GTF2E1: variants seen among roughly 807,000 people sequenced by gnomAD.
GTF2E1 encodes the protein TFIIE alpha subunit.
GTF2E1 carries 14 observed loss-of-function variants against 34.9 expected under a neutral mutation model. That is an observed-to-expected ratio of 0.40 (90% CI 0.27 to 0.63). The LOEUF is 0.63. Among genes scored for constraint, GTF2E1 ranks in the 20% least tolerant of loss-of-function variants. The pLI is 0.39. For synonymous variants in GTF2E1, 188 were observed against 192.9 expected (o/e 0.97, Z 0.21); for missense variants, 469 against 557.7 (o/e 0.84, Z 1.60).
intron 2 of GTF2E1, 71 bp from the exon 3 acceptor site, chr3:120,770,656 TG>T: frequency 2.0e-6 from 2 of 1,023,024 alleles, no homozygotes; most frequent in South Asian, 2.6e-5. Context: ...AATAAGATAT[TG>T]GGGGAGGGTG....
chr3:120,743,633 T>C (rs1344709255), intron 1 of GTF2E1, among the ~76,000 whole-genome samples: 3 of 152,108 alleles, frequency 2.0e-5, no homozygotes, highest in Admixed American at 1.3e-4. Context: ...TGTATGCTAC[T>C]TAATGGGGAG....
chr3:120,772,296 A>G (rs2107612123), intron 3 of GTF2E1, among the ~76,000 whole-genome samples: 1 of 152,150 alleles, frequency 6.6e-6, no homozygotes, highest in East Asian at 1.9e-4. Flanking sequence ...ATGAGATCAC[A>G]TGACTGGTAC....
chr3:120,774,786 C>T (rs146379609), intron 3 of GTF2E1, among the ~76,000 whole-genome samples: 7 of 152,060 alleles, frequency 4.6e-5, no homozygotes, highest in East Asian at 1.9e-4. Flanking sequence ...GAACAGGCAC[C>T]GGGAAGAAAA....
chr3:120,758,495 A>G (rs979005477), intron 2 of GTF2E1, among the ~76,000 whole-genome samples: 4 of 152,148 alleles, frequency 2.6e-5, no homozygotes, highest in Admixed American at 2.6e-4. Flanking sequence ...ATAGGTATAC[A>G]TGTGCCATGT....
chr3:120,767,992 A>G (rs1310974585), intron 2 of GTF2E1, among the ~76,000 whole-genome samples: 2 of 152,174 alleles, frequency 1.3e-5, no homozygotes, highest in Non-Finnish European at 2.9e-5. Context: ...GATGAGCTAC[A>G]CTGACAAGCA....
At chr3:120,767,785 C>A (rs1168296526) in intron 2 of GTF2E1, among the ~76,000 whole-genome samples, 1 of 152,080 alleles carries the variant, frequency 6.6e-6, no homozygotes. Flanking sequence ...GTAAGTAACT[C>A]CTGTTAAGTT....
rs147969735 is a variant in GTF2E1 at position 120,759,842 on chromosome 3, C to G, written c.448+8842C>G. ...TAACGTGCTGTTTTGGTTACTGTAG[C>G]CTTGTAGTATAGTTTGAAGTCAGGT... On this transcript the variant is annotated intron_variant, in intron 2 of 4. Coordinates refer to ENST00000283875, the MANE Select transcript of GTF2E1 (RefSeq NM_005513.3). 7.7e-3 allele frequency among the ~76,000 whole-genome samples: 1,166 copies of G among 152,212 alleles called. 15 individuals are homozygous for G. Among genetic ancestry groups the G allele is most frequent in the African/African-American group, 0.027 (1,106 of 41,524 alleles).
rs758984299 is a variant in GTF2E1, at chr3:120,750,506, T to G, written c.-30-17T>G. The stretch of plus-strand genomic sequence containing the variant: ...GTTCTTATACCTGGCTAATTTTCTG[T>G]TTTTTTTTGAATTCAGTATATTTAA... On this transcript the variant is annotated splice_polypyrimidine_tract_variant and intron_variant, in intron 1 of 4. Coordinates refer to ENST00000283875, the MANE Select transcript of GTF2E1 (RefSeq NM_005513.3). The G allele has an allele frequency of 9.4e-6, 13 of 1,388,858 alleles. No homozygotes were observed. The highest frequency in any genetic ancestry group is 3.7e-4 in the Middle Eastern group (2 of 5,424). The allele number at this position is 1,388,858 out of a possible 1,614,324, so 86.0% of individuals were successfully genotyped here.
Position 120,781,257 on chromosome 3 carries a change from G to A in GTF2E1, c.1107G>A (p.Pro369=), listed in dbSNP as rs749370787. The change falls in exon 5 of 5, where the codon CCG becomes CCA. Residue 369 remains proline (P), a synonymous_variant. Coordinates refer to ENST00000283875, the MANE Select transcript of GTF2E1 (RefSeq NM_005513.3). The part of the protein sequence containing the change: ...SESDDDSPPR[P]AAVAVHKREE... ...CAGATGATGATTCTCCACCCCGTCC[G>A]GCAGCTGTGGCTGTGCATAAACGAG... The A allele has an allele frequency of 6.8e-6, 11 of 1,614,124 alleles. No individual in the cohort carries two copies. The highest frequency in any genetic ancestry group is 1.7e-5 in the Admixed American group (1 of 60,018).
rs1374304007 is a variant in GTF2E1, at chr3:120,781,306, G to A, written c.1156G>A (p.Glu386Lys). 2.5e-6 allele frequency: 4 copies of A among 1,614,050 alleles called. No individual in the cohort carries two copies. The highest frequency in any genetic ancestry group is 3.4e-6 in the Non-Finnish European group (4 of 1,180,032). The change falls in exon 5 of 5, where the codon GAG (glutamate) becomes AAG (lysine). Residue 386 changes from glutamate to lysine, a missense_variant. By Grantham distance (56) the Glu-to-Lys change is moderately conservative. Coordinates refer to ENST00000283875, the MANE Select transcript of GTF2E1 (RefSeq NM_005513.3). Reference protein sequence around the residue: ...KREEDEEEDDEFEEVADDPIV... With the variant: ...KREEDEEEDDKFEEVADDPIV... ...AGAAGAGGATGAAGAGGAAGATGAC[G>A]AGTTTGAAGAAGTAGCAGATGACCC...
chr3:120,756,894 C>T (rs1559830957), intron 2 of GTF2E1, among the ~76,000 whole-genome samples: 3 of 152,070 alleles, frequency 2.0e-5, no homozygotes, highest in Non-Finnish European at 2.9e-5. Context: ...CCACTGCACT[C>T]CAGTCTGGGC....
intron 4 of GTF2E1, among the ~76,000 whole-genome samples, chr3:120,776,954 G>T (rs1225197789): frequency 6.6e-6 from 1 of 151,958 alleles, no homozygotes; most frequent in African/African-American, 2.4e-5. Context: ...TGTTTTCAAG[G>T]TAGCCATACT....
At position 120,776,513 on chromosome 3, in the gene GTF2E1, A is replaced by C; in HGVS notation, c.741A>C (p.Glu247Asp). The C allele has an allele frequency of 6.2e-7, 1 of 1,613,996 alleles. No homozygotes were observed. The highest frequency in any genetic ancestry group is 8.5e-7 in the Non-Finnish European group (1 of 1,179,916). ...EAWATKGPSY[E>D]DLYTQNVVIN... ...GGGCCACCAAAGGTCCTTCCTATGA[A>C]GACTTATACACTCAGAATGTTGTCA... The change falls in exon 4 of 5, where the codon GAA (glutamate) becomes GAC (aspartate). Residue 247 changes from glutamate (E) to aspartate (D), a missense_variant. Transcript: ENST00000283875.
chr3:120,753,922 T>C (rs1248616245), intron 2 of GTF2E1, among the ~76,000 whole-genome samples: 1 of 152,192 alleles, frequency 6.6e-6, no homozygotes, highest in East Asian at 1.9e-4. Context: ...AATCAGAAGC[T>C]TAATCATTAA....
chr3:120,767,331 G>A (rs1050945436), intron 2 of GTF2E1, among the ~76,000 whole-genome samples: 8 of 152,226 alleles, frequency 5.3e-5, no homozygotes, highest in Admixed American at 4.6e-4. Flanking sequence ...CAAAGAGCAG[G>A]TTTGCTTATG....
chr3:120,775,257 G>A (rs997514570), intron 3 of GTF2E1, among the ~76,000 whole-genome samples: 4 of 152,064 alleles, frequency 2.6e-5, no homozygotes, highest in Non-Finnish European at 4.4e-5. Flanking sequence ...AGAATGAGTC[G>A]GGGCTCCACA....
chr3:120,782,685 T>TG lies in GTF2E1; in HGVS notation c.*1216dup, dbSNP rs1435627199. The TG allele has an allele frequency of 6.6e-6, 1 of 152,180 alleles. No individual in the cohort carries two copies. Among genetic ancestry groups the TG allele is most frequent in the Non-Finnish European group, 1.5e-5 (1 of 68,026 alleles). 9.4% of individuals were successfully genotyped at this position (152,180 alleles called of 1,614,324 possible). A position where few individuals can be genotyped will look rare whatever the true frequency, so the allele number is the denominator to read the frequency against. ...TTCCAGCAGAAATCAACAGAATAAT[T>TG]GATTACTCTTCTCTCTCTCTGTCAC... On this transcript the variant is annotated 3_prime_UTR_variant, in exon 5 of 5. Transcript: ENST00000283875.
intron 1 of GTF2E1, among the ~76,000 whole-genome samples, chr3:120,744,744 C>T (rs1413636669): frequency 1.3e-5 from 2 of 152,090 alleles, no homozygotes; most frequent in Non-Finnish European, 2.9e-5. Flanking sequence ...CACACTGCCT[C>T]CACCTTCACT....
Position 120,781,625 on chromosome 3 carries a change from G to A in GTF2E1, c.*155G>A. ...TGATGGTAGAGAGTTTGACTTTTAT[G>A]CCAGAAACTTTCCCAGCAAGGTAGG... On this transcript the variant is annotated 3_prime_UTR_variant, in exon 5 of 5. Transcript: ENST00000283875. 1.6e-6 allele frequency: 1 copy of A among 628,672 alleles called. No individual in the cohort carries two copies. The highest frequency in any genetic ancestry group is 2.8e-6 in the Non-Finnish European group (1 of 360,644). 38.9% of individuals were successfully genotyped at this position (628,672 alleles called of 1,614,324 possible).
Sources: allele counts gnomAD v4.1 joint callset (sites outside exome capture counted in the v4.1 genomes callset), GRCh38; gene constraint gnomAD v4.1.1; transcripts MANE v1.5; gene names NCBI Gene and HGNC (gene_info 2026-07-23, HGNC 2026-07-21).